Variants in SCAPER observed in about 807,000 individuals in gnomAD.
The protein encoded by SCAPER is S-phase cyclin A associated protein in the ER.
In SCAPER, 98 loss-of-function variants were observed where a neutral mutation model predicts 182.2. The observed-to-expected ratio is 0.54, with a 90% confidence interval of 0.46 to 0.64. The LOEUF is 0.64. Ranked by LOEUF, SCAPER falls within the 30% of genes least tolerant of loss-of-function variation. SCAPER has a pLI of 0.00. For synonymous variants in SCAPER, 605 were observed against 564.6 expected (o/e 1.07, Z -1.01); for missense variants, 1,432 against 1,690.0 (o/e 0.85, Z 2.68).
intron 26 of SCAPER, among the ~76,000 whole-genome samples, chr15:76,422,781 T>C (rs1378022736): frequency 6.6e-6 from 1 of 152,222 alleles, no homozygotes; most frequent in Non-Finnish European, 1.5e-5. Flanking sequence ...CTTATTATTT[T>C]GAGATACGAC....
chr15:76,893,617 TACA>T (rs1423956061), intron 1 of SCAPER, among the ~76,000 whole-genome samples: 1 of 152,044 alleles, frequency 6.6e-6, no homozygotes, highest in Non-Finnish European at 1.5e-5. Context: ...CAGCAGAATA[TACA>T]ACATTTTCAA....
At chr15:76,515,988 C>T (rs1358431809) in intron 23 of SCAPER, among the ~76,000 whole-genome samples, 2 of 152,054 alleles carry the variant, frequency 1.3e-5, no homozygotes, top group Non-Finnish European at 2.9e-5. Flanking sequence ...GTTACTGGTC[C>T]TTGTCTGTGC....
chr15:76,389,688 G>T (rs1352014920), intron 27 of SCAPER, among the ~76,000 whole-genome samples: 1 of 150,106 alleles, frequency 6.7e-6, no homozygotes, highest in East Asian at 2.0e-4. Flanking sequence ...CGTGGTGGCG[G>T]GCGCCTGTAG....
chr15:76,468,801 G>C (rs1160838034), intron 25 of SCAPER, among the ~76,000 whole-genome samples: 1 of 152,064 alleles, frequency 6.6e-6, no homozygotes, highest in Non-Finnish European at 1.5e-5. Context: ...CTGGAGACGG[G>C]GCCTGTGGGA....
At chr15:76,731,918 C>G (rs1481648656) in intron 16 of SCAPER, among the ~76,000 whole-genome samples, 1 of 152,124 alleles carries the variant, frequency 6.6e-6, no homozygotes, top group African/African-American at 2.4e-5. Context: ...CGAAAGATAA[C>G]TGTTATATTT....
intron 21 of SCAPER, among the ~76,000 whole-genome samples, chr15:76,638,410 T>C (rs951094020): frequency 2.0e-5 from 3 of 152,166 alleles, no homozygotes; most frequent in Non-Finnish European, 4.4e-5. Flanking sequence ...AAAATAGACA[T>C]GGCAGTGGCA....
intron 26 of SCAPER, among the ~76,000 whole-genome samples, chr15:76,427,950 AT>A (rs2046555721): frequency 7.1e-6 from 1 of 139,978 alleles, no homozygotes; most frequent in African/African-American, 2.7e-5. Context: ...AAAAAAAAAA[AT>A]TAGCTGGGTG....
chr15:76,652,365 C>CATATAT (rs2055197860), intron 21 of SCAPER, among the ~76,000 whole-genome samples: 4 of 27,636 alleles, frequency 1.4e-4, no homozygotes, highest in South Asian at 2.1e-3. Flanking sequence ...CACACACACA[C>CATATAT]ACACACATAT....
chr15:76,374,498 T>C (rs2141875268), intron 29 of SCAPER, among the ~76,000 whole-genome samples: 1 of 151,290 alleles, frequency 6.6e-6, no homozygotes, highest in East Asian at 2.0e-4. Flanking sequence ...CTTTTTTTTT[T>C]TTTTAGACAG....
At chr15:76,864,076 A>G (rs4886837) in intron 2 of SCAPER, among the ~76,000 whole-genome samples, 50,040 of 151,920 alleles carry the variant, frequency 0.33, 8,521 homozygotes, top group East Asian at 0.55. Flanking sequence ...ACATCACAAA[A>G]ATCACCCAGT....
At position 76,671,485 on chromosome 15, in the gene SCAPER, T is replaced by C. The variant is rs141379756; in HGVS notation, c.2509-5696A>G. Reference sequence around the variant, plus strand: ...ACAAGGTATTCCCACAACCTCCAAATAGAAGTGAGTGTGGTGGCTCATGCC... The same window carrying C: ...ACAAGGTATTCCCACAACCTCCAAACAGAAGTGAGTGTGGTGGCTCATGCC... On this transcript the variant is annotated intron_variant, in intron 20 of 31. Transcript: ENST00000563290. 8.4e-4 allele frequency among the ~76,000 whole-genome samples: 127 copies of C among 151,926 alleles called. 1 individual carries two copies. The highest frequency in any genetic ancestry group is 2.9e-3 in the African/African-American group (119 of 41,448).
At chr15:76,464,789 G>C (rs2049468409) in intron 25 of SCAPER, among the ~76,000 whole-genome samples, 1 of 152,084 alleles carries the variant, frequency 6.6e-6, no homozygotes, top group Non-Finnish European at 1.5e-5. Context: ...TGAATCATAT[G>C]GTAGTTCTCT....
chr15:76,355,756 G>GGCTCCT (rs2040915345), intron 29 of SCAPER, among the ~76,000 whole-genome samples: 1 of 152,090 alleles, frequency 6.6e-6, no homozygotes, highest in Non-Finnish European at 1.5e-5. Context: ...ACTCCATTTG[G>GGCTCCT]GCTCCTGAAC....
At chr15:76,650,747 T>G (rs1277910160) in intron 21 of SCAPER, among the ~76,000 whole-genome samples, 1 of 152,094 alleles carries the variant, frequency 6.6e-6, no homozygotes. Flanking sequence ...TAAGCAATAT[T>G]GTCCAAGGCA....
At position 76,353,828 on chromosome 15, in the gene SCAPER, AATATGTG is replaced by A. The variant is rs2040773943; in HGVS notation, c.4047+114_4047+120del. On this transcript the variant is annotated intron_variant, in intron 30 of 31. Transcript: ENST00000563290. ...TTAGAAATCAATTTTGGAGCACATA[AATATGTG>A]AAGATTTTAAAAGGTAGTATGGAAG... 15 of 803,050 alleles carry A rather than the reference AATATGTG, an allele frequency of 1.9e-5. No homozygotes were observed. The South Asian group carries it at 4.2e-4, about 22-fold the overall frequency. The allele number at this position is 803,050 out of a possible 1,614,324, so 49.7% of individuals were successfully genotyped here.
chr15:76,641,548 G>C (rs1202465556), intron 21 of SCAPER, among the ~76,000 whole-genome samples: 2 of 152,094 alleles, frequency 1.3e-5, no homozygotes, highest in Admixed American at 1.3e-4. Flanking sequence ...AACAAAGAGA[G>C]AGCCCCGATG....
intron 21 of SCAPER, among the ~76,000 whole-genome samples, chr15:76,639,868 C>A (rs1293175284): frequency 6.6e-6 from 1 of 152,166 alleles, no homozygotes; most frequent in African/African-American, 2.4e-5. Flanking sequence ...CAAAAACCAA[C>A]ATAATTACCT....
chr15:76,705,937 G>T lies in SCAPER; in HGVS notation c.2213C>A (p.Ala738Asp). ...AATTTTTTTCTGTAACTCTTCCATAGCTTCTTGTTGAGCAGCTGTGAGTGC... is the reference window on the plus strand; with the variant it reads ...AATTTTTTTCTGTAACTCTTCCATATCTTCTTGTTGAGCAGCTGTGAGTGC... ...LAALTAAQQE[A>D]MEELQKKIQL... Residue 738 changes from alanine to aspartate, a missense_variant, in exon 18 of 32, where the codon GCT becomes GAT. Transcript: ENST00000563290. 1 of 1,563,668 alleles carries T rather than the reference G, an allele frequency of 6.4e-7. No individual in the cohort carries two copies. The highest frequency in any genetic ancestry group is 2.3e-5 in the East Asian group (1 of 42,952).
intron 23 of SCAPER, among the ~76,000 whole-genome samples, chr15:76,541,543 T>C (rs932589312): frequency 2.0e-5 from 3 of 152,240 alleles, no homozygotes; most frequent in Admixed American, 1.3e-4. Context: ...CCCAAAGACA[T>C]GTAAGATGGG....
Sources: gnomAD v4.1 joint callset for allele counts (sites outside exome capture counted in the v4.1 genomes callset) on GRCh38, gnomAD v4.1.1 for gene constraint, MANE v1.5 for transcripts, NCBI Gene and HGNC (gene_info 2026-07-23, HGNC 2026-07-21) for gene names.